The following RRP1B variants were observed in gnomAD, a reference collection of about 807,000 sequenced individuals.
The protein encoded by RRP1B is ribosomal RNA processing 1B.
A neutral mutation model predicts 80.2 loss-of-function variants in RRP1B; 56 were observed. The ratio of observed to expected loss-of-function variants is 0.70; its 90% CI spans 0.56 to 0.87. The LOEUF is 0.87. Among genes scored for constraint, RRP1B ranks in the 40% least tolerant of loss-of-function variants. The pLI is 0.00. For missense variants in RRP1B, 807 were observed against 939.8 expected (o/e 0.86, Z 1.85); for synonymous variants, 351 against 357.6 (o/e 0.98, Z 0.21).
chr21:43,676,065 A>G (rs888099436), intron 6 of RRP1B, among the ~76,000 whole-genome samples: 10 of 152,220 alleles, frequency 6.6e-5, no homozygotes, highest in Non-Finnish European at 1.5e-4. Flanking sequence ...CCACTGCACT[A>G]AGATACCAAG....
intron 4 of RRP1B, 26 bp from the exon 5 acceptor site, chr21:43,674,610 T>TTTTA: frequency 6.9e-7 from 1 of 1,455,274 alleles, no homozygotes; most frequent in Non-Finnish European, 9.3e-7. Context: ...TTTTTTTTTT[T>TTTTA]TTAAACAAAA....
At chr21:43,686,674 G>A in intron 11 of RRP1B, 130 bp from the exon 12 acceptor site, 1 of 1,068,276 alleles carries the variant, frequency 9.4e-7, no homozygotes, top group Non-Finnish European at 1.4e-6. Flanking sequence ...GCAGCGCTCA[G>A]GTTTGGGTGG....
Position 43,659,673 on chromosome 21 carries a change from C to G in RRP1B, c.9C>G (p.Pro3=). Residue 3 remains proline, a synonymous_variant, in exon 1 of 16, where the codon CCC becomes CCG. Coordinates refer to ENST00000340648, the MANE Select transcript of RRP1B (RefSeq NM_015056.3). This position sits in a 1 kb window ranked among gnomAD's most constrained non-coding sequence, Gnocchi z 4.2. ...ATGCTCCAGCGGGCGCGATGGCCCC[C>G]GCCATGCAGCCGGCCGAGATCCAAT... is the stretch of plus-strand genomic sequence containing the variant. The part of the protein sequence containing the change: MA[P]AMQPAEIQFA... 1.3e-6 allele frequency: 2 copies of G among 1,512,820 alleles called. No homozygotes were observed. Among genetic ancestry groups the G allele is most frequent in the South Asian group, 1.2e-5 (1 of 80,014 alleles). The allele number at this position is 1,512,820 out of a possible 1,614,324, so 93.7% of individuals were successfully genotyped here.
chr21:43,686,140 C>T (rs1306898243), intron 11 of RRP1B: 1 of 193,492 alleles, frequency 5.2e-6, no homozygotes, highest in Admixed American at 5.6e-5. Flanking sequence ...ACAGACCAGC[C>T]CTTACCTAGT....
At chr21:43,681,479 C>T (rs1013677692) in intron 8 of RRP1B, among the ~76,000 whole-genome samples, 3 of 151,910 alleles carry the variant, frequency 2.0e-5, no homozygotes, top group Admixed American at 1.3e-4. Context: ...CCTCAGCCTC[C>T]CAAGTAGCTG....
At chr21:43,690,196 TG>T in intron 13 of RRP1B, 91 bp from the exon 14 acceptor site, 3 of 1,471,624 alleles carry the variant, frequency 2.0e-6, no homozygotes, top group Non-Finnish European at 2.8e-6. Flanking sequence ...TGGATCTGCC[TG>T]GGGCTCTGCC....
chr21:43,669,817 C>A, intron 1 of RRP1B, 67 bp from the exon 2 acceptor site: 2 of 1,148,316 alleles, frequency 1.7e-6, no homozygotes, highest in East Asian at 2.4e-5. Flanking sequence ...TGATACTTCA[C>A]CACTTTCTAA....
At position 43,683,349 on chromosome 21, in the gene RRP1B, T is replaced by C. The variant is rs771068009; in HGVS notation, c.867T>C (p.Phe289=). 6.8e-6 allele frequency: 11 copies of C among 1,614,002 alleles called. No homozygotes were observed. Among genetic ancestry groups the C allele is most frequent in the Admixed American group, 3.3e-5 (2 of 60,010 alleles). ...GAGGAAGAGATGACTGTGGAACCTT[T>C]GAGGACACAGGGCCCCTTCTCCAGG... ...DERGRDDCGT[F]EDTGPLLQFD... Residue 289 remains phenylalanine, a synonymous_variant, in exon 9 of 16, where the codon TTT becomes TTC. Coordinates refer to ENST00000340648, the MANE Select transcript of RRP1B (RefSeq NM_015056.3).
intron 8 of RRP1B, among the ~76,000 whole-genome samples, chr21:43,682,075 T>C (rs554847789): frequency 6.6e-6 from 1 of 152,324 alleles, no homozygotes; most frequent in East Asian, 1.9e-4. Context: ...GAGACCAGCT[T>C]GGGCAACATA....
chr21:43,690,264 G>A lies in RRP1B; in HGVS notation c.1867-24G>A, dbSNP rs199827828. ...GGCTCTGTCGTCTGACCCCTCCTCCGCTTCTCACCCCTCGCTCACGTAGGG... is the reference window on the plus strand; with the variant it reads ...GGCTCTGTCGTCTGACCCCTCCTCCACTTCTCACCCCTCGCTCACGTAGGG... On this transcript the variant is annotated intron_variant, in intron 13 of 15. Transcript: ENST00000340648. The A allele has an allele frequency of 1.7e-4, 270 of 1,612,876 alleles. 4 individuals carry two copies. In the South Asian group the frequency reaches 2.5e-3, roughly 15 times the overall value.
intron 12 of RRP1B, 22 bp downstream of exon 12, chr21:43,686,957 A>G (rs751100223): frequency 3.5e-5 from 56 of 1,609,732 alleles, no homozygotes; most frequent in Non-Finnish European, 4.7e-5. Context: ...AGCTAAAAAG[A>G]AGGGCACGAC....
At chr21:43,664,474 C>T (rs969249512) in intron 1 of RRP1B, among the ~76,000 whole-genome samples, 2 of 152,202 alleles carry the variant, frequency 1.3e-5, no homozygotes, top group Admixed American at 6.5e-5. Flanking sequence ...TTGGGCTTGA[C>T]CCTAACAATA....
chr21:43,659,671 C>G lies in RRP1B; in HGVS notation c.7C>G (p.Pro3Ala), dbSNP rs907480195. Residue 3 changes from proline to alanine, a missense_variant, in exon 1 of 16, where the codon CCC (proline) becomes GCC (alanine). By Grantham distance (27) the Pro-to-Ala change is conservative (BLOSUM62 -1). Coordinates refer to ENST00000340648, the MANE Select transcript of RRP1B (RefSeq NM_015056.3). The surrounding 1 kb of genome is among the most constrained non-coding windows in gnomAD (Gnocchi z 4.2). ...GGATGCTCCAGCGGGCGCGATGGCCCCCGCCATGCAGCCGGCCGAGATCCA... is the reference window on the plus strand; with the variant it reads ...GGATGCTCCAGCGGGCGCGATGGCCGCCGCCATGCAGCCGGCCGAGATCCA... MAPAMQPAEIQFA... is the reference protein window; with the variant it reads MAAAMQPAEIQFA... 6.6e-7 allele frequency: 1 copy of G among 1,510,748 alleles called. No homozygotes were observed. Among genetic ancestry groups the G allele is most frequent in the African/African-American group, 1.4e-5 (1 of 69,198 alleles). The allele number at this position is 1,510,748 out of a possible 1,614,324, so 93.6% of individuals were successfully genotyped here.
intron 1 of RRP1B, 56 bp from the exon 2 acceptor site, chr21:43,669,828 A>G (rs2082992322): frequency 2.3e-6 from 3 of 1,289,996 alleles, no homozygotes; most frequent in Non-Finnish European, 3.3e-6. Context: ...CACTTTCTAA[A>G]CTTGAAGAAA....
chr21:43,662,161 A>G (rs1012322477), intron 1 of RRP1B, among the ~76,000 whole-genome samples: 2 of 152,246 alleles, frequency 1.3e-5, no homozygotes, highest in Admixed American at 1.3e-4. Flanking sequence ...GTGCTAAGAC[A>G]GCCTAGACAG....
intron 2 of RRP1B, 72 bp downstream of exon 2, chr21:43,670,038 T>C (rs2082993468): frequency 2.7e-6 from 3 of 1,116,852 alleles, no homozygotes; most frequent in Non-Finnish European, 3.9e-6. Flanking sequence ...TCACTCATGC[T>C]GTGCCAGTCC....
At chr21:43,674,761 GT>G (rs147057584) in intron 5 of RRP1B, 64 bp downstream of exon 5, 35,187 of 1,418,774 alleles carry the variant, frequency 0.025, 1,163 homozygotes, top group East Asian at 0.12. Context: ...AGAGTGTCAA[GT>G]TTTCTGAACT....
rs2083069355 is a variant in RRP1B at position 43,687,721 on chromosome 21, G to A, written c.1347G>A (p.Glu449=). ...CACGTGTGGCCGAGCCAGGTGCAGA[G>A]GCCACGTCCAGCACTGGGGAGGAGA... ...LKARVAEPGA[E]ATSSTGEESG... Residue 449 remains glutamate (E), a synonymous_variant, in exon 13 of 16, where the codon GAG becomes GAA. Transcript: ENST00000340648. The A allele has an allele frequency of 5.0e-6, 8 of 1,612,796 alleles. No homozygotes were observed. The highest frequency in any genetic ancestry group is 5.9e-6 in the Non-Finnish European group (7 of 1,179,660).
At chr21:43,669,530 A>G (rs1407941046) in intron 1 of RRP1B, among the ~76,000 whole-genome samples, 1 of 152,170 alleles carries the variant, frequency 6.6e-6, no homozygotes, top group African/African-American at 2.4e-5. Context: ...TCACAAGACC[A>G]GCGAAAATGT....
Sources: gnomAD v4.1 joint callset for allele counts (sites outside exome capture counted in the v4.1 genomes callset) on GRCh38, gnomAD v4.1.1 for gene constraint, Gnocchi (gnomAD v3.1) non-coding constraint, MANE v1.5 for transcripts, NCBI Gene and HGNC (gene_info 2026-07-23, HGNC 2026-07-21) for gene names.